Variants in C8A observed in about 807,000 individuals in gnomAD.
The protein encoded by C8A is complement component C8 alpha chain.
In C8A, 67 loss-of-function variants were observed where a neutral mutation model predicts 65.3. The ratio of observed to expected loss-of-function variants is 1.03; its 90% CI spans 0.84 to 1.26. The LOEUF (loss-of-function observed/expected upper bound fraction) is 1.26. Ranked by LOEUF, C8A falls within the 50% of genes most tolerant of loss-of-function variation. C8A has a pLI of 0.00. For missense variants in C8A, 781 were observed against 723.9 expected, an observed-to-expected ratio of 1.08 and a Z score of -0.90; for synonymous variants, 290 against 259.4, an observed-to-expected ratio of 1.12 and a Z score of -1.13.
chr1:56,917,648 G>A lies in C8A; in HGVS notation c.1687G>A (p.Asp563Asn). ...CATCCAGGAAAGGAGAAGAGAGTGT[G>A]ACAATCCAGCACCTCAGAATGGAGG... is the stretch of plus-strand genomic sequence containing the variant. ...AGIQERRREC[D>N]NPAPQNGGAS... Residue 563 changes from aspartate to asparagine, a missense_variant, in exon 11 of 11, where the codon GAC (aspartate) becomes AAC (asparagine). Coordinates refer to ENST00000361249, the MANE Select transcript of C8A (RefSeq NM_000562.3). 5 of 1,614,224 alleles carry A rather than the reference G, an allele frequency of 3.1e-6. No homozygotes were observed. Among genetic ancestry groups the A allele is most frequent in the Non-Finnish European group, 4.2e-6 (5 of 1,180,038 alleles).
chr1:56,868,918 T>C (rs934829835), intron 2 of C8A, among the ~76,000 whole-genome samples: 1 of 152,232 alleles, frequency 6.6e-6, no homozygotes, highest in African/African-American at 2.4e-5. Flanking sequence ...ACCTACTTTC[T>C]AGAATTATTG....
At chr1:56,895,187 ATTCTGTC>A (rs1557710285) in intron 7 of C8A, among the ~76,000 whole-genome samples, 1 of 152,048 alleles carries the variant, frequency 6.6e-6, no homozygotes, top group Non-Finnish European at 1.5e-5. Flanking sequence ...TTTTCCATAC[ATTCTGTC>A]ATTCATTCTG....
chr1:56,885,620 C>A (rs545622749), intron 6 of C8A, among the ~76,000 whole-genome samples: 2 of 146,276 alleles, frequency 1.4e-5, no homozygotes, highest in Non-Finnish European at 3.0e-5. Flanking sequence ...GGAGCGATCT[C>A]GGCTCACCGC....
chr1:56,890,571 C>T (rs1570339237), intron 7 of C8A, among the ~76,000 whole-genome samples: 1 of 152,200 alleles, frequency 6.6e-6, no homozygotes, highest in East Asian at 1.9e-4. Context: ...CTCACTTGTC[C>T]AAGCCACCAT....
At chr1:56,861,995 A>C (rs1644037938) in intron 1 of C8A, among the ~76,000 whole-genome samples, 1 of 151,928 alleles carries the variant, frequency 6.6e-6, no homozygotes, top group Admixed American at 6.6e-5. Context: ...TAGGTTTTAG[A>C]CTCTTTGCCC....
chr1:56,900,513 A>G (rs1644418705), intron 7 of C8A, among the ~76,000 whole-genome samples: 1 of 152,202 alleles, frequency 6.6e-6, no homozygotes, highest in African/African-American at 2.4e-5. Flanking sequence ...CCCAGAGGTT[A>G]CACTCTTAAC....
chr1:56,880,994 C>A (rs989237493), intron 4 of C8A, among the ~76,000 whole-genome samples: 3 of 152,112 alleles, frequency 2.0e-5, no homozygotes, highest in Non-Finnish European at 2.9e-5. Context: ...ACTTATTCAA[C>A]AAATATTTAG....
chr1:56,886,270 T>C (rs12137460), intron 7 of C8A, 103 bp downstream of exon 7: 59,177 of 1,400,788 alleles, frequency 0.042, 1,515 homozygotes, highest in Middle Eastern at 0.069. Context: ...TGATCTCATT[T>C]AGTTTTTAGG....
At chr1:56,882,717 T>G (rs956583319) in intron 5 of C8A, among the ~76,000 whole-genome samples, 143 of 152,302 alleles carry the variant, frequency 9.4e-4, no homozygotes, top group Non-Finnish European at 6.0e-4. Context: ...AACAACACCA[T>G]GTTCCTAATC....
chr1:56,907,431 T>C (rs1173180821), intron 8 of C8A, among the ~76,000 whole-genome samples: 3 of 152,190 alleles, frequency 2.0e-5, no homozygotes, highest in African/African-American at 7.2e-5. Context: ...AATTGTTTCT[T>C]CTCTCTTTCT....
intron 7 of C8A, among the ~76,000 whole-genome samples, chr1:56,887,205 A>C (rs537359877): frequency 6.6e-6 from 1 of 152,282 alleles, no homozygotes; most frequent in South Asian, 2.1e-4. Flanking sequence ...GTAGTCTTTA[A>C]AAAACAATTT....
chr1:56,890,431 G>C (rs1352403697), intron 7 of C8A, among the ~76,000 whole-genome samples: 2 of 152,240 alleles, frequency 1.3e-5, no homozygotes, highest in East Asian at 3.9e-4. Context: ...CGATCCAGTG[G>C]AGGAAACAAA....
intron 9 of C8A, among the ~76,000 whole-genome samples, chr1:56,911,184 A>G (rs1644503004): frequency 6.6e-6 from 1 of 151,980 alleles, no homozygotes; most frequent in Non-Finnish European, 1.5e-5. Flanking sequence ...TCCTCATAAG[A>G]AATCTGGGAA....
At chr1:56,901,712 C>G (rs861362) in intron 7 of C8A, among the ~76,000 whole-genome samples, 17 of 152,110 alleles carry the variant, frequency 1.1e-4, no homozygotes, top group African/African-American at 3.9e-4. Flanking sequence ...GCTGAGGAAA[C>G]AAGTCCTCTG....
At chr1:56,902,829 T>C (rs1644436794) in intron 7 of C8A, among the ~76,000 whole-genome samples, 1 of 152,194 alleles carries the variant, frequency 6.6e-6, no homozygotes, top group Non-Finnish European at 1.5e-5. Context: ...ATTTTCTTCT[T>C]TTTAAAGGCT....
chr1:56,866,753 C>A (rs912163622), intron 1 of C8A, among the ~76,000 whole-genome samples: 4 of 152,162 alleles, frequency 2.6e-5, no homozygotes, highest in African/African-American at 9.7e-5. Flanking sequence ...GGAAGCCAGG[C>A]AAACTTGCGG....
chr1:56,911,578 G>A (rs1467711683), intron 9 of C8A, among the ~76,000 whole-genome samples: 3 of 152,304 alleles, frequency 2.0e-5, no homozygotes, highest in South Asian at 2.1e-4. Flanking sequence ...AACTGGAAGG[G>A]GGCTGCTGGC....
chr1:56,875,715 T>A (rs1208634627), intron 3 of C8A, among the ~76,000 whole-genome samples: 1 of 151,870 alleles, frequency 6.6e-6, no homozygotes, highest in Admixed American at 6.6e-5. Context: ...GATGGGTAGG[T>A]AGGTGATGGG....
chr1:56,876,316 G>C, intron 4 of C8A, 107 bp downstream of exon 4: 2 of 1,323,946 alleles, frequency 1.5e-6, no homozygotes, highest in Non-Finnish European at 2.2e-6. Flanking sequence ...TTCCTCTGGA[G>C]TGCATGCTGT....
Sources: allele counts gnomAD v4.1 joint callset (sites outside exome capture counted in the v4.1 genomes callset), GRCh38; gene constraint gnomAD v4.1.1; transcripts MANE v1.5; gene names NCBI Gene and HGNC (gene_info 2026-07-23, HGNC 2026-07-21).